TMEM71: variants seen among roughly 807,000 people sequenced by gnomAD.
The protein encoded by TMEM71 is transmembrane protein 71.
A neutral mutation model predicts 38.0 loss-of-function variants in TMEM71; 44 were observed. The ratio of observed to expected loss-of-function variants is 1.16; its 90% CI spans 0.91 to 1.49. The LOEUF is 1.49. Among genes scored for constraint, TMEM71 ranks in the 40% most tolerant of loss-of-function variants. The probability of loss-of-function intolerance (pLI) is 0.00; values close to 1 mark genes in which losing one functional copy is unlikely to be tolerated. For missense variants in TMEM71, 367 were observed against 348.6 expected, an observed-to-expected ratio of 1.05 and a Z score of -0.42; for synonymous variants, 133 against 122.5, an observed-to-expected ratio of 1.09 and a Z score of -0.56.
intron 5 of TMEM71, among the ~76,000 whole-genome samples, chr8:132,730,020 G>A (rs1367484899): frequency 6.6e-6 from 1 of 151,556 alleles, no homozygotes; most frequent in Non-Finnish European, 1.5e-5. Flanking sequence ...GTGCAATGGC[G>A]CAAGCTCAGC....
chr8:132,770,323 G>A, the TMEM71 span, among the ~76,000 whole-genome samples: 43 of 152,248 alleles, frequency 2.8e-4, no homozygotes, highest in Non-Finnish European at 5.3e-4. Context: ...TTAAGTAACA[G>A]CACTCGAATT....
At chr8:132,718,527 A>G (rs1314750356) in intron 7 of TMEM71, among the ~76,000 whole-genome samples, 1 of 151,924 alleles carries the variant, frequency 6.6e-6, no homozygotes, top group Admixed American at 6.6e-5. Flanking sequence ...CCTCCCGAGT[A>G]GCTGGGACTA....
At chr8:132,722,411 T>C (rs1826908112) in intron 6 of TMEM71, among the ~76,000 whole-genome samples, 1 of 152,222 alleles carries the variant, frequency 6.6e-6, no homozygotes, top group African/African-American at 2.4e-5. Context: ...GGAAAGGCTT[T>C]GTAGAGTTTA....
downstream of TMEM71, among the ~76,000 whole-genome samples, chr8:132,707,021 A>G (rs968412401): frequency 1.3e-5 from 2 of 152,354 alleles, no homozygotes; most frequent in Non-Finnish European, 2.9e-5. Flanking sequence ...TAAGGAAGAC[A>G]TTAAACTTTA....
intron 5 of TMEM71, among the ~76,000 whole-genome samples, chr8:132,743,453 C>T (rs547626051): frequency 6.6e-6 from 1 of 152,294 alleles, no homozygotes; most frequent in African/African-American, 2.4e-5. Flanking sequence ...AGTACTCCCA[C>T]CTTTTATACT....
chr8:132,761,884 G>A (rs545793702), upstream of TMEM71, among the ~76,000 whole-genome samples: 1 of 152,292 alleles, frequency 6.6e-6, no homozygotes, highest in South Asian at 2.1e-4. Context: ...CCATCCAACA[G>A]CCAGGAATCC....
Position 132,710,895 on chromosome 8 carries a change from G to T in TMEM71, c.*72C>A. ...CTTCCAATAAAACACTTGATTCCAA[G>T]TAGACTGCAAGTTGGACAATTTCCA... On this transcript the variant is annotated 3_prime_UTR_variant, in exon 10 of 10. Coordinates refer to ENST00000677595, the MANE Select transcript of TMEM71 (RefSeq NM_001382403.1). 7.0e-7 allele frequency: 1 copy of T among 1,421,584 alleles called. No homozygotes were observed. Among genetic ancestry groups the T allele is most frequent in the Non-Finnish European group, 9.9e-7 (1 of 1,007,598 alleles). The allele number at this position is 1,421,584 out of a possible 1,614,324, so 88.1% of individuals were successfully genotyped here.
chr8:132,743,209 C>T (rs1025507796), intron 5 of TMEM71, among the ~76,000 whole-genome samples: 6 of 151,970 alleles, frequency 3.9e-5, no homozygotes, highest in African/African-American at 1.5e-4. Flanking sequence ...CAGGGACTCA[C>T]TCAATCTTCT....
intron 9 of TMEM71, among the ~76,000 whole-genome samples, chr8:132,711,578 A>G (rs568115695): frequency 5.3e-5 from 8 of 152,306 alleles, no homozygotes; most frequent in African/African-American, 1.9e-4. Flanking sequence ...TGAAATCATA[A>G]GTGTGCAAAA....
intron 7 of TMEM71, among the ~76,000 whole-genome samples, chr8:132,721,816 A>T (rs957532152): frequency 2.0e-5 from 3 of 152,116 alleles, no homozygotes; most frequent in Non-Finnish European, 4.4e-5. Context: ...GATTACAGGC[A>T]TGAGCCACCG....
chr8:132,765,729 T>A, the TMEM71 span, among the ~76,000 whole-genome samples: 1 of 152,032 alleles, frequency 6.6e-6, no homozygotes, highest in Non-Finnish European at 1.5e-5. Context: ...TTCCTAGTGG[T>A]TCTGCTTCTC....
chr8:132,728,511 A>G (rs1827278254), intron 5 of TMEM71, among the ~76,000 whole-genome samples: 1 of 152,198 alleles, frequency 6.6e-6, no homozygotes, highest in Admixed American at 6.5e-5. Flanking sequence ...TCAATATGAG[A>G]TTTGGGTGAG....
At chr8:132,738,244 A>T (rs1827853180) in intron 5 of TMEM71, among the ~76,000 whole-genome samples, 1 of 152,190 alleles carries the variant, frequency 6.6e-6, no homozygotes, top group South Asian at 2.1e-4. Flanking sequence ...TGGTTCTAGG[A>T]TTTGAATTCA....
At chr8:132,742,307 C>T (rs569316951) in intron 5 of TMEM71, among the ~76,000 whole-genome samples, 108 of 152,222 alleles carry the variant, frequency 7.1e-4, no homozygotes, top group Non-Finnish European at 1.3e-3. Context: ...GATGGCTTGC[C>T]GCCCACACAG....
chr8:132,768,788 T>A, the TMEM71 span, among the ~76,000 whole-genome samples: 3,275 of 152,330 alleles, frequency 0.021, 125 homozygotes, highest in African/African-American at 0.072. Flanking sequence ...TCCCTCTCCC[T>A]CCTGCAGAAG....
At chr8:132,775,713 T>G in the TMEM71 span, 5 of 300,894 alleles carry the variant, frequency 1.7e-5, no homozygotes, top group African/African-American at 4.4e-5. Flanking sequence ...GACGCCCCCA[T>G]TCTGGTGTCT....
chr8:132,775,824 TGCGGAGG>T, the TMEM71 span, among the ~76,000 whole-genome samples: 1 of 150,972 alleles, frequency 6.6e-6, no homozygotes, highest in Non-Finnish European at 1.5e-5. Flanking sequence ...CTTACCCCCC[TGCGGAGG>T]GCCGGATGGC....
In TMEM71 at chr8:132,730,885, G is replaced by T. The variant is rs542136577; in HGVS notation, c.488-2899C>A. On this transcript the variant is annotated intron_variant, in intron 5 of 9. Coordinates refer to ENST00000677595, the MANE Select transcript of TMEM71 (RefSeq NM_001382403.1). The stretch of plus-strand genomic sequence containing the variant: ...AAATCTAGGGTGTGTGTGTACATGT[G>T]TGCATGTGTGTGTTTGTGTGTGTGT... Among the ~76,000 whole-genome samples, 29 of 152,222 alleles carry T rather than the reference G, an allele frequency of 1.9e-4. No homozygotes were observed. In the South Asian group the frequency reaches 5.8e-3, roughly 31 times the overall value.
rs1216681154 is a variant in TMEM71 at position 132,714,062 on chromosome 8, A to G, written c.815-10T>C. 3 of 1,613,982 alleles carry G rather than the reference A, an allele frequency of 1.9e-6. No homozygotes were observed. Among genetic ancestry groups the G allele is most frequent in the Non-Finnish European group, 2.5e-6 (3 of 1,179,972 alleles). The stretch of plus-strand genomic sequence containing the variant: ...AACAATGATTTCACATCTTGAGTGA[A>G]ACAGAGAAAATATTTTAAAATCATT... On this transcript the variant is annotated splice_polypyrimidine_tract_variant and intron_variant, in intron 8 of 9. Transcript: ENST00000677595.
Sources: gnomAD v4.1 joint callset for allele counts (sites outside exome capture counted in the v4.1 genomes callset) on GRCh38, gnomAD v4.1.1 for gene constraint, MANE v1.5 for transcripts, NCBI Gene and HGNC (gene_info 2026-07-23, HGNC 2026-07-21) for gene names.